SFMBT2: variants seen among roughly 807,000 people sequenced by gnomAD.
The protein encoded by SFMBT2 is scm-like with four MBT domains protein 2.
In SFMBT2, 38 loss-of-function variants were observed where a neutral mutation model predicts 110.1. That is an observed-to-expected ratio of 0.35 (90% CI 0.27 to 0.45). SFMBT2 has a LOEUF of 0.45. Among genes scored for constraint, SFMBT2 ranks in the 20% least tolerant of loss-of-function variants. The pLI, the probability that SFMBT2 is intolerant of heterozygous loss-of-function variation, is 1.00. For missense variants in SFMBT2, 1,011 were observed against 1,094.9 expected (o/e 0.92, Z 1.08); for synonymous variants, 425 against 425.4 (o/e 1.00, Z 0.01).
intron 2 of SFMBT2, among the ~76,000 whole-genome samples, chr10:7,371,464 C>A (rs1055482239): frequency 6.6e-5 from 10 of 152,124 alleles, no homozygotes; most frequent in Non-Finnish European, 1.3e-4. Context: ...ATCCACACAC[C>A]CAGGCTTGAA....
rs368754111 is a variant in SFMBT2 at position 7,202,582 on chromosome 10, T to G, written c.1445-60A>C. 1.3e-3 allele frequency: 2,151 copies of G among 1,613,516 alleles called. 2 individuals are homozygous for G. Among genetic ancestry groups the G allele is most frequent in the Non-Finnish European group, 1.7e-3 (2,036 of 1,179,614 alleles). On this transcript the variant is annotated intron_variant, in intron 12 of 20. Transcript: ENST00000397167. ...CTTTGTTAGTGGGGCAAGTCCATTTTTAAAAATAGGTTATAAAGCAAAGAG... is the reference window on the plus strand; with the variant it reads ...CTTTGTTAGTGGGGCAAGTCCATTTGTAAAAATAGGTTATAAAGCAAAGAG...
At chr10:7,179,360 G>A (rs868660394) in intron 16 of SFMBT2, among the ~76,000 whole-genome samples, 56 of 139,548 alleles carry the variant, frequency 4.0e-4, no homozygotes, top group African/African-American at 1.4e-3. Flanking sequence ...ACGTTGGGGC[G>A]GTTCTTGCTT....
At chr10:7,236,347 T>C (rs1840253495) in intron 9 of SFMBT2, among the ~76,000 whole-genome samples, 1 of 151,982 alleles carries the variant, frequency 6.6e-6, no homozygotes, top group African/African-American at 2.4e-5. Flanking sequence ...TAACCAAAAA[T>C]TTTGAACAAA....
At chr10:7,269,123 C>T (rs925441122) in intron 7 of SFMBT2, among the ~76,000 whole-genome samples, 2 of 152,142 alleles carry the variant, frequency 1.3e-5, no homozygotes, top group African/African-American at 4.8e-5. Flanking sequence ...AAACCTATTT[C>T]ATCAACTATT....
intron 7 of SFMBT2, among the ~76,000 whole-genome samples, chr10:7,274,486 T>C (rs890237854): frequency 1.3e-5 from 2 of 152,176 alleles, no homozygotes; most frequent in Admixed American, 6.5e-5. Context: ...TAAGCTCTCA[T>C]GAGATCTGAT....
intron 9 of SFMBT2, among the ~76,000 whole-genome samples, chr10:7,231,067 C>G (rs1218515857): frequency 6.6e-6 from 1 of 152,036 alleles, no homozygotes; most frequent in Non-Finnish European, 1.5e-5. Context: ...TTTTTTTCCC[C>G]CAACTCTCTG....
At chr10:7,224,328 G>A (rs1839839589) in intron 10 of SFMBT2, among the ~76,000 whole-genome samples, 1 of 152,106 alleles carries the variant, frequency 6.6e-6, no homozygotes, top group Admixed American at 6.5e-5. Flanking sequence ...GCACCTACAT[G>A]ATTCAGGAAT....
intron 7 of SFMBT2, among the ~76,000 whole-genome samples, chr10:7,250,826 T>G (rs1158138317): frequency 1.3e-5 from 2 of 152,328 alleles, no homozygotes; most frequent in East Asian, 3.9e-4. Context: ...AAAACATTTA[T>G]TTTTAAAGGT....
intron 4 of SFMBT2, among the ~76,000 whole-genome samples, chr10:7,325,901 T>C (rs550510151): frequency 6.6e-6 from 1 of 152,340 alleles, no homozygotes; most frequent in East Asian, 1.9e-4. Flanking sequence ...GCATAGTATG[T>C]AAATTATATC....
intron 14 of SFMBT2, among the ~76,000 whole-genome samples, chr10:7,200,087 T>G (rs1052937178): frequency 6.6e-6 from 1 of 152,188 alleles, no homozygotes; most frequent in Admixed American, 6.5e-5. Context: ...AATTGCCTAA[T>G]GAGATGATAT....
rs1227122042 is a variant in SFMBT2 at position 7,301,756 on chromosome 10, C to A, written c.437-15802G>T. 6.6e-6 allele frequency among the ~76,000 whole-genome samples: 1 copy of A among 152,138 alleles called. No homozygotes were observed. The highest frequency in any genetic ancestry group is 1.9e-4 in the East Asian group (1 of 5,192). On this transcript the variant is annotated intron_variant, in intron 4 of 20. Coordinates refer to ENST00000397167, the MANE Select transcript of SFMBT2 (RefSeq NM_001387889.1). This position sits in a 1 kb window ranked among gnomAD's most constrained non-coding sequence, Gnocchi z 4.2. Reference sequence around the variant, plus strand: ...CTAGTATGAGAGCCACGCCTCTCTACAGATGCTAGGAGTCCCCATTCCAGC... The same window carrying A: ...CTAGTATGAGAGCCACGCCTCTCTAAAGATGCTAGGAGTCCCCATTCCAGC...
intron 7 of SFMBT2, among the ~76,000 whole-genome samples, chr10:7,274,991 C>T (rs1203521598): frequency 6.6e-6 from 1 of 152,164 alleles, no homozygotes; most frequent in African/African-American, 2.4e-5. Flanking sequence ...CCTCTCTGAA[C>T]AATGAGGACA....
chr10:7,361,977 A>C (rs952739048), intron 4 of SFMBT2, among the ~76,000 whole-genome samples: 2 of 152,232 alleles, frequency 1.3e-5, no homozygotes, highest in Non-Finnish European at 2.9e-5. Flanking sequence ...TCACTGGATT[A>C]AATGATTTCC....
chr10:7,344,958 C>CAA (rs35145669), intron 4 of SFMBT2, among the ~76,000 whole-genome samples: 6,387 of 51,276 alleles, frequency 0.12, 553 homozygotes, highest in Non-Finnish European at 0.15. Context: ...GACTCTGTCT[C>CAA]AAAAAAAAAA....
rs761046317 is a variant in SFMBT2 at position 7,243,574 on chromosome 10, G to A, written c.1104C>T (p.Ser368=). Residue 368 remains serine, a synonymous_variant, in exon 9 of 21, where the codon AGC becomes AGT. Coordinates refer to ENST00000397167, the MANE Select transcript of SFMBT2 (RefSeq NM_001387889.1). ...PVQWCLKNGV[S]LTPPKGYSGQ... is the part of the protein sequence containing the mutation. ...AATACAAACCTTTGGGAGGAGTGAG[G>A]CTGACTCCATTTTTAAGGCACCACT... 4.1e-5 allele frequency: 36 copies of A among 872,694 alleles called. No individual in the cohort carries two copies. In the Middle Eastern group the frequency reaches 1.3e-3, roughly 31 times the overall value. 54.1% of individuals were successfully genotyped at this position (872,694 alleles called of 1,614,324 possible).
intron 2 of SFMBT2, among the ~76,000 whole-genome samples, chr10:7,376,719 C>T (rs1845222886): frequency 4.1e-5 from 1 of 24,426 alleles, no homozygotes; most frequent in Admixed American, 4.8e-4. Flanking sequence ...AAAAAAAAGG[C>T]CCTCCCACAA....
intron 12 of SFMBT2, chr10:7,203,742 G>C: frequency 1.2e-6 from 1 of 831,858 alleles, no homozygotes; most frequent in Non-Finnish European, 1.4e-6. Flanking sequence ...ACAGAGCGGA[G>C]TATCGCTCTG....
chr10:7,278,043 C>T (rs972793495), intron 6 of SFMBT2, among the ~76,000 whole-genome samples: 1 of 152,180 alleles, frequency 6.6e-6, no homozygotes, highest in Non-Finnish European at 1.5e-5. Context: ...GGTGCACTGC[C>T]CGAAGTCATT....
intron 7 of SFMBT2, among the ~76,000 whole-genome samples, chr10:7,259,286 G>A (rs1588392551): frequency 6.6e-6 from 1 of 152,200 alleles, no homozygotes; most frequent in Admixed American, 6.5e-5. Context: ...CCACAAGTGG[G>A]AAGCCTCCCC....
Sources: allele counts gnomAD v4.1 joint callset (sites outside exome capture counted in the v4.1 genomes callset), GRCh38; gene constraint gnomAD v4.1.1; non-coding constraint Gnocchi (gnomAD v3.1); transcripts MANE v1.5; gene names NCBI Gene and HGNC (gene_info 2026-07-23, HGNC 2026-07-21).